The following PDGFC variants were observed in gnomAD, a reference collection of about 807,000 sequenced individuals.
PDGFC encodes platelet derived growth factor C.
Under a neutral mutation model 35.5 loss-of-function variants are expected in PDGFC, and 12 were observed. The observed-to-expected ratio is 0.34, with a 90% CI of 0.22 to 0.55. The LOEUF (loss-of-function observed/expected upper bound fraction) is 0.55, where lower values mean the gene tolerates loss of function less well. Among genes scored for constraint, PDGFC ranks in the 20% least tolerant of loss-of-function variants. The probability of loss-of-function intolerance (pLI) is 0.91; values close to 1 mark genes in which losing one functional copy is unlikely to be tolerated. For synonymous variants in PDGFC, 159 were observed against 148.8 expected (o/e 1.07, Z -0.50); for missense variants, 322 against 412.4 (o/e 0.78, Z 1.90).
intron 1 of PDGFC, among the ~76,000 whole-genome samples, chr4:156,877,732 G>C (rs558462487): frequency 1.1e-4 from 16 of 152,214 alleles, no homozygotes; most frequent in African/African-American, 3.9e-4. Flanking sequence ...AGAAAATTCA[G>C]ATGGGAAATA....
At chr4:156,855,182 C>T (rs1031616353) in intron 1 of PDGFC, among the ~76,000 whole-genome samples, 1 of 151,978 alleles carries the variant, frequency 6.6e-6, no homozygotes, top group African/African-American at 2.4e-5. Flanking sequence ...ATAATGTTTA[C>T]CATGCATTAC....
At chr4:156,905,585 C>T (rs999056558) in intron 1 of PDGFC, among the ~76,000 whole-genome samples, 2 of 152,048 alleles carry the variant, frequency 1.3e-5, no homozygotes, top group Admixed American at 6.6e-5. Flanking sequence ...GTCTAAAATA[C>T]ATTTCTGATC....
intron 1 of PDGFC, among the ~76,000 whole-genome samples, chr4:156,888,155 T>C (rs1272123730): frequency 1.3e-5 from 2 of 152,194 alleles, no homozygotes; most frequent in Non-Finnish European, 1.5e-5. Context: ...TCAACCGTAG[T>C]ACTTGTTTTT....
chr4:156,915,173 A>G (rs760067028), intron 1 of PDGFC, among the ~76,000 whole-genome samples: 2 of 152,148 alleles, frequency 1.3e-5, no homozygotes, highest in African/African-American at 2.4e-5. Context: ...GAATCCCCAA[A>G]ACTTTATAAA....
At position 156,960,926 on chromosome 4, in the gene PDGFC, C is replaced by T. The variant is rs117805590; in HGVS notation, c.118+9860G>A. 4.4e-3 allele frequency among the ~76,000 whole-genome samples: 672 copies of T among 152,160 alleles called. 21 individuals carry two copies. The East Asian group carries it at 0.1, about 23-fold the overall frequency. ...TCCTATGTTCTTTACAATTTGCACC[C>T]TGCCTGACATAAGATCTCAGGTTTA... On this transcript the variant is annotated intron_variant, in intron 1 of 5. Coordinates refer to ENST00000502773, the MANE Select transcript of PDGFC (RefSeq NM_016205.3).
chr4:156,808,498 T>G (rs1731833765), intron 3 of PDGFC, among the ~76,000 whole-genome samples: 1 of 151,900 alleles, frequency 6.6e-6, no homozygotes, highest in Non-Finnish European at 1.5e-5. Context: ...TCAGAGATGA[T>G]CCAGGGGCTT....
At chr4:156,832,627 TTTTCTTTAACTAACCAGGA>T (rs1166861073) in intron 2 of PDGFC, among the ~76,000 whole-genome samples, 3 of 152,170 alleles carry the variant, frequency 2.0e-5, no homozygotes, top group African/African-American at 7.2e-5. Context: ...ATGGCCGTTA[TTTTCTTTAACTAACCAGGA>T]TTTCTAGCAG....
chr4:156,794,680 A>C (rs2110892945), intron 3 of PDGFC, among the ~76,000 whole-genome samples: 1 of 152,212 alleles, frequency 6.6e-6, no homozygotes, highest in Non-Finnish European at 1.5e-5. Flanking sequence ...GTATCATTCT[A>C]GTAGAACACT....
chr4:156,831,632 T>A (rs897995858), intron 2 of PDGFC, among the ~76,000 whole-genome samples: 1 of 151,530 alleles, frequency 6.6e-6, no homozygotes, highest in African/African-American at 2.4e-5. Context: ...TTAGTAGAGA[T>A]GGGGTTTCTT....
At chr4:156,941,158 A>C (rs1731795276) in intron 1 of PDGFC, among the ~76,000 whole-genome samples, 3 of 152,154 alleles carry the variant, frequency 2.0e-5, no homozygotes, top group Admixed American at 1.3e-4. Flanking sequence ...GTGAATTAAT[A>C]ATGAAGACCA....
chr4:156,835,451 T>C (rs921436389), intron 2 of PDGFC, among the ~76,000 whole-genome samples: 3 of 152,182 alleles, frequency 2.0e-5, no homozygotes, highest in East Asian at 1.9e-4. Flanking sequence ...AAAGAGCTTT[T>C]ATAAACATTA....
intron 1 of PDGFC, among the ~76,000 whole-genome samples, chr4:156,882,681 TG>T (rs1730271388): frequency 6.6e-6 from 1 of 152,186 alleles, no homozygotes; most frequent in African/African-American, 2.4e-5. Context: ...TGACTAAAAG[TG>T]ACAGTAAATT....
At chr4:156,887,186 T>C (rs1404121793) in intron 1 of PDGFC, among the ~76,000 whole-genome samples, 2 of 152,178 alleles carry the variant, frequency 1.3e-5, no homozygotes, top group Non-Finnish European at 2.9e-5. Context: ...TTCAGGATGT[T>C]ATATCATAGC....
At chr4:156,771,866 C>T (rs1413266194) in intron 4 of PDGFC, among the ~76,000 whole-genome samples, 6 of 152,126 alleles carry the variant, frequency 3.9e-5, no homozygotes, top group Non-Finnish European at 8.8e-5. Context: ...ATTTTGAGTG[C>T]ATTGTAATTA....
intron 1 of PDGFC, among the ~76,000 whole-genome samples, chr4:156,889,336 C>A (rs1312224615): frequency 6.6e-6 from 1 of 152,168 alleles, no homozygotes; most frequent in East Asian, 1.9e-4. Context: ...TTTATACTTT[C>A]TAGGATACAT....
chr4:156,787,327 T>G (rs2110867995), intron 3 of PDGFC, among the ~76,000 whole-genome samples: 1 of 152,262 alleles, frequency 6.6e-6, no homozygotes, highest in African/African-American at 2.4e-5. Flanking sequence ...TAATCAGTTG[T>G]GTCAACCACT....
intron 1 of PDGFC, among the ~76,000 whole-genome samples, chr4:156,956,610 T>C (rs1316810889): frequency 6.6e-6 from 1 of 151,964 alleles, no homozygotes; most frequent in Non-Finnish European, 1.5e-5. Context: ...TGCCACAGTT[T>C]AGGTCATAGG....
At chr4:156,792,580 A>G (rs1731325991) in intron 3 of PDGFC, among the ~76,000 whole-genome samples, 2 of 152,224 alleles carry the variant, frequency 1.3e-5, no homozygotes, top group South Asian at 4.1e-4. Flanking sequence ...TACCAAAAAT[A>G]CACTATCTTC....
intron 1 of PDGFC, among the ~76,000 whole-genome samples, chr4:156,935,693 C>A (rs1731663361): frequency 6.6e-6 from 1 of 152,158 alleles, no homozygotes; most frequent in South Asian, 2.1e-4. Flanking sequence ...TTGTATTGAT[C>A]AGCTGACGAA....
Sources: allele counts gnomAD v4.1 joint callset (sites outside exome capture counted in the v4.1 genomes callset), GRCh38; gene constraint gnomAD v4.1.1; transcripts MANE v1.5; gene names NCBI Gene and HGNC (gene_info 2026-07-23, HGNC 2026-07-21).